Variants in DIP2B observed in about 807,000 individuals in gnomAD.
The protein encoded by DIP2B is disco-interacting protein 2 homolog B.
Under a neutral mutation model 198.0 loss-of-function variants are expected in DIP2B, and 76 were observed. The observed-to-expected ratio is 0.38, with a 90% CI of 0.32 to 0.46. The LOEUF is 0.46. Among genes scored for constraint, DIP2B ranks in the 20% least tolerant of loss-of-function variants. The pLI is 0.99. For missense variants in DIP2B, 1,559 were observed against 1,978.4 expected (o/e 0.79, Z 4.02); for synonymous variants, 701 against 739.1 (o/e 0.95, Z 0.84).
At chr12:50,735,630 A>G (rs1237936363) in intron 34 of DIP2B, among the ~76,000 whole-genome samples, 1 of 151,970 alleles carries the variant, frequency 6.6e-6, no homozygotes, top group Non-Finnish European at 1.5e-5. Context: ...ACGCCCAGCT[A>G]ATTTTTGTGT....
intron 1 of DIP2B, among the ~76,000 whole-genome samples, chr12:50,613,824 G>C (rs1937648362): frequency 6.6e-6 from 1 of 152,148 alleles, no homozygotes; most frequent in African/African-American, 2.4e-5. Flanking sequence ...ATTCTTTTCA[G>C]ATGTCTATGC....
intron 1 of DIP2B, among the ~76,000 whole-genome samples, chr12:50,592,236 A>G (rs1018542795): frequency 1.3e-5 from 2 of 151,318 alleles, no homozygotes; most frequent in Admixed American, 1.3e-4. Flanking sequence ...GTATAGTGAC[A>G]CCATCGTAGC....
intron 19 of DIP2B, among the ~76,000 whole-genome samples, chr12:50,702,764 G>C (rs997947970): frequency 1.5e-4 from 21 of 143,498 alleles, no homozygotes; most frequent in Non-Finnish European, 2.9e-4. Flanking sequence ...AAAAAGGAGG[G>C]GTGGGGAGCA....
intron 1 of DIP2B, among the ~76,000 whole-genome samples, chr12:50,556,751 C>T (rs997702714): frequency 4.6e-5 from 7 of 152,076 alleles, no homozygotes; most frequent in Admixed American, 1.3e-4. Context: ...CTCTTGTTGT[C>T]CATGCTGGAG....
At chr12:50,514,050 C>G (rs1958042117) in intron 1 of DIP2B, among the ~76,000 whole-genome samples, 1 of 145,148 alleles carries the variant, frequency 6.9e-6, no homozygotes, top group Admixed American at 7.3e-5. Context: ...ATCTAAAGCT[C>G]TGTCACTCAG....
intron 1 of DIP2B, among the ~76,000 whole-genome samples, chr12:50,540,878 A>G (rs561376258): frequency 6.6e-6 from 1 of 152,178 alleles, no homozygotes; most frequent in African/African-American, 2.4e-5. Context: ...TTAAAAATAT[A>G]TTTACATCTT....
At chr12:50,695,440 G>T (rs980551463) in intron 15 of DIP2B, 80 bp downstream of exon 15, 19 of 1,281,300 alleles carry the variant, frequency 1.5e-5, no homozygotes, top group Non-Finnish European at 2.2e-5. Context: ...TTTTCAAATT[G>T]CCCTTGTATG....
chr12:50,533,478 A>G (rs1593586092), intron 1 of DIP2B, among the ~76,000 whole-genome samples: 2 of 152,150 alleles, frequency 1.3e-5, no homozygotes, highest in South Asian at 2.1e-4. Context: ...GTGTGTTTGC[A>G]TGTGTTCTCT....
rs532885739 is a variant in DIP2B, at chr12:50,527,705, A to G, written c.100+22465A>G. Among the ~76,000 whole-genome samples, 6 of 152,350 alleles carry G rather than the reference A, an allele frequency of 3.9e-5. No individual in the cohort carries two copies. The South Asian group carries it at 6.2e-4, about 16-fold the overall frequency. The stretch of plus-strand genomic sequence containing the variant: ...AGGCTGGGCGAAAGAGCAAGACCAC[A>G]TCTTAAAGAAAAGATTATCCTTTTT... On this transcript the variant is annotated intron_variant, in intron 1 of 37. Transcript: ENST00000301180.
chr12:50,519,579 C>T (rs1958097318), intron 1 of DIP2B, among the ~76,000 whole-genome samples: 2 of 152,142 alleles, frequency 1.3e-5, no homozygotes, highest in South Asian at 4.1e-4. Context: ...CATGGGACAG[C>T]CCTAAATGAA....
chr12:50,727,697 T>C lies in DIP2B; in HGVS notation c.3401-6T>C, dbSNP rs779013293. 5 of 1,612,832 alleles carry C rather than the reference T, an allele frequency of 3.1e-6. No homozygotes were observed. The African/African-American group carries it at 6.7e-5, about 22-fold the overall frequency. On this transcript the variant is annotated splice_region_variant and splice_polypyrimidine_tract_variant and intron_variant, in intron 28 of 37. Transcript: ENST00000301180. ...ATTGACATCAGGTTTTTTCTTTTCA[T>C]GGCAGATGATTTACCCAGGAAAAGG...
chr12:50,506,395 C>T (rs1464510283), intron 1 of DIP2B, among the ~76,000 whole-genome samples: 1 of 152,146 alleles, frequency 6.6e-6, no homozygotes, highest in Non-Finnish European at 1.5e-5. Context: ...CTTATTAAGG[C>T]ATTATGGTTC....
At chr12:50,632,718 G>A (rs1938083294) in intron 2 of DIP2B, among the ~76,000 whole-genome samples, 2 of 151,162 alleles carry the variant, frequency 1.3e-5, no homozygotes, top group South Asian at 4.2e-4. Context: ...TGTATTTTCA[G>A]TAGAGACAAG....
chr12:50,629,402 G>A (rs1174431626), intron 2 of DIP2B, among the ~76,000 whole-genome samples: 2 of 152,118 alleles, frequency 1.3e-5, no homozygotes, highest in Non-Finnish European at 2.9e-5. Flanking sequence ...CAGAGTTTCT[G>A]ATTCATCTGG....
intron 1 of DIP2B, among the ~76,000 whole-genome samples, chr12:50,616,716 G>A (rs944614205): frequency 3.3e-5 from 5 of 152,166 alleles, no homozygotes; most frequent in African/African-American, 1.2e-4. Flanking sequence ...TTGTATGTTT[G>A]TGAGCCTTTC....
intron 1 of DIP2B, among the ~76,000 whole-genome samples, chr12:50,589,954 A>G (rs1245108183): frequency 6.6e-6 from 1 of 152,024 alleles, no homozygotes; most frequent in African/African-American, 2.4e-5. Flanking sequence ...TGGTGAAAGT[A>G]AGGGGGCAGA....
chr12:50,691,988 C>T (rs1057106250), intron 13 of DIP2B, among the ~76,000 whole-genome samples: 1 of 151,942 alleles, frequency 6.6e-6, no homozygotes, highest in African/African-American at 2.4e-5. Context: ...TCACTTGCAC[C>T]CTGGAGGCAG....
chr12:50,531,052 A>G (rs1958212405), intron 1 of DIP2B, among the ~76,000 whole-genome samples: 2 of 152,042 alleles, frequency 1.3e-5, no homozygotes, highest in Admixed American at 1.3e-4. Flanking sequence ...AGGAGAGCAT[A>G]TTATATATGT....
intron 5 of DIP2B, among the ~76,000 whole-genome samples, chr12:50,674,184 T>C (rs1363450136): frequency 2.0e-5 from 3 of 152,226 alleles, no homozygotes; most frequent in Non-Finnish European, 2.9e-5. Flanking sequence ...TCTACCAGCC[T>C]TTCTGTGTAG....
Sources: gnomAD v4.1 joint callset for allele counts (sites outside exome capture counted in the v4.1 genomes callset) on GRCh38, gnomAD v4.1.1 for gene constraint, MANE v1.5 for transcripts, NCBI Gene and HGNC (gene_info 2026-07-23, HGNC 2026-07-21) for gene names.